The following RTN1 variants were observed in gnomAD, a reference collection of about 807,000 sequenced individuals.
RTN1 encodes reticulon 1.
In RTN1, 25 loss-of-function variants were observed where a neutral mutation model predicts 65.5. The observed-to-expected ratio is 0.38, with a 90% CI of 0.28 to 0.53. The LOEUF (loss-of-function observed/expected upper bound fraction) is 0.53, where lower values mean the gene tolerates loss of function less well. Ranked by LOEUF, RTN1 falls within the 20% of genes least tolerant of loss-of-function variation. The pLI is 0.79. For synonymous variants in RTN1, 471 were observed against 447.6 expected (o/e 1.05, Z -0.66); for missense variants, 983 against 1,025.4 (o/e 0.96, Z 0.57).
chr14:59,675,445 G>GGT (rs992201582), intron 3 of RTN1, among the ~76,000 whole-genome samples: 1 of 17,766 alleles, frequency 5.6e-5, no homozygotes, highest in Non-Finnish European at 2.8e-4. Context: ...TATAGGACTT[G>GGT]GGGGGGGGGC....
intron 1 of RTN1, among the ~76,000 whole-genome samples, chr14:59,795,354 C>G (rs1260555922): frequency 6.6e-6 from 1 of 152,014 alleles, no homozygotes; most frequent in African/African-American, 2.4e-5. Flanking sequence ...ATGTTAAATA[C>G]TAATGTGGGC....
chr14:59,658,034 C>T (rs901032376), intron 3 of RTN1, among the ~76,000 whole-genome samples: 1 of 152,200 alleles, frequency 6.6e-6, no homozygotes, highest in Non-Finnish European at 1.5e-5. Flanking sequence ...CTGAAGTCGA[C>T]CTGGGACGCT....
intron 3 of RTN1, among the ~76,000 whole-genome samples, chr14:59,634,732 A>G (rs1020432772): frequency 2.6e-5 from 4 of 152,228 alleles, no homozygotes; most frequent in South Asian, 2.1e-4. Context: ...TATGAGCAGG[A>G]AAGAGTGGGT....
At chr14:59,696,355 A>G (rs1884062544) in intron 3 of RTN1, among the ~76,000 whole-genome samples, 1 of 152,212 alleles carries the variant, frequency 6.6e-6, no homozygotes, top group Non-Finnish European at 1.5e-5. Flanking sequence ...CAAGTCACTC[A>G]TCATCCTCAG....
rs1885857782 is a variant in RTN1, at chr14:59,766,738, A to G, written c.242-20257T>C. Among the ~76,000 whole-genome samples, 1 of 152,150 alleles carries G rather than the reference A, an allele frequency of 6.6e-6. No individual in the cohort carries two copies. Among genetic ancestry groups the G allele is most frequent in the South Asian group, 2.1e-4 (1 of 4,822 alleles). ...AAGGAAAGAGTGTTGAATACCTGCT[A>G]TGTGCCAGTCACCATGCTCGGTGCT... On this transcript the variant is annotated intron_variant, in intron 1 of 8. Coordinates refer to ENST00000267484, the MANE Select transcript of RTN1 (RefSeq NM_021136.3). The surrounding 1 kb of genome is among the most constrained non-coding windows in gnomAD (Gnocchi z 4.4).
At chr14:59,603,634 GA>G (rs958629622) in intron 6 of RTN1, 5 of 336,406 alleles carry the variant, frequency 1.5e-5, no homozygotes, top group South Asian at 8.0e-5. Context: ...TATGTTTGAA[GA>G]AAAAAAACCC....
At chr14:59,656,157 G>A (rs1421834891) in intron 3 of RTN1, among the ~76,000 whole-genome samples, 2 of 152,114 alleles carry the variant, frequency 1.3e-5, no homozygotes, top group Non-Finnish European at 2.9e-5. Context: ...CCACTTATAT[G>A]AAATGTCAAG....
At chr14:59,642,207 A>G (rs1238755066) in intron 3 of RTN1, among the ~76,000 whole-genome samples, 1 of 152,146 alleles carries the variant, frequency 6.6e-6, no homozygotes, top group African/African-American at 2.4e-5. Flanking sequence ...AAGGTCAGTA[A>G]TTAGTCTTTT....
intron 3 of RTN1, among the ~76,000 whole-genome samples, chr14:59,632,940 CAA>C (rs796788061): frequency 1.3e-5 from 2 of 150,484 alleles, no homozygotes; most frequent in African/African-American, 2.4e-5. Context: ...AAAAAAAATA[CAA>C]AAAAAAAATT....
chr14:59,727,075 G>A lies in RTN1; in HGVS notation c.1609C>T (p.Pro537Ser), dbSNP rs1458328556. Residue 537 changes from proline to serine, a missense_variant, in exon 3 of 9, where the codon CCC (proline) becomes TCC (serine). This residue lies in a region of RTN1 where 818 missense variants were observed against 801.8 expected (regional missense o/e 1.02). Transcript: ENST00000267484. This position sits in a 1 kb window ranked among gnomAD's most constrained non-coding sequence, Gnocchi z 4.2. ...GGCTCCAGGGCTCCGTCTCCAGGGG[G>A]CAGCTCGGGGCCAGGCTGGGGCTCA... ...STEPQPGPELPPGDGALEPET... is the reference protein window; with the variant it reads ...STEPQPGPELSPGDGALEPET... The A allele has an allele frequency of 6.2e-7, 1 of 1,612,344 alleles. No homozygotes were observed. Among genetic ancestry groups the A allele is most frequent in the South Asian group, 1.1e-5 (1 of 90,716 alleles).
chr14:59,863,566 T>C (rs1044437810), intron 1 of RTN1, among the ~76,000 whole-genome samples: 7 of 152,188 alleles, frequency 4.6e-5, no homozygotes, highest in African/African-American at 1.4e-4. Context: ...GACCTCTGTA[T>C]ATTTGAGTGA....
rs551321156 is a variant in RTN1 at position 59,708,621 on chromosome 14, A to C, written c.1765+18298T>G. Reference sequence around the variant, plus strand: ...CTACCCAGTTGAGAAGACACTCCCAAGGTTTGTAAGCCATGCAAAGAAATG... The same window carrying C: ...CTACCCAGTTGAGAAGACACTCCCACGGTTTGTAAGCCATGCAAAGAAATG... On this transcript the variant is annotated intron_variant, in intron 3 of 8. Coordinates refer to ENST00000267484, the MANE Select transcript of RTN1 (RefSeq NM_021136.3). Among the ~76,000 whole-genome samples the C allele has an allele frequency of 1.7e-3, 263 of 152,338 alleles. 2 individuals are homozygous for C. The highest frequency in any genetic ancestry group is 3.4e-3 in the Middle Eastern group (1 of 294).
At chr14:59,822,723 A>C (rs544813021) in intron 1 of RTN1, among the ~76,000 whole-genome samples, 1 of 152,106 alleles carries the variant, frequency 6.6e-6, no homozygotes, top group South Asian at 2.1e-4. Flanking sequence ...CTTTGTTTTC[A>C]TTAGTTTTTT....
chr14:59,819,460 C>T, intron 1 of RTN1, among the ~76,000 whole-genome samples: 1 of 121,676 alleles, frequency 8.2e-6, no homozygotes, highest in Non-Finnish European at 1.7e-5. Flanking sequence ...CAGCTAGACA[C>T]AGAGTACAAT....
intron 1 of RTN1, among the ~76,000 whole-genome samples, chr14:59,761,755 C>G (rs528513849): frequency 6.6e-6 from 1 of 152,144 alleles, no homozygotes; most frequent in African/African-American, 2.4e-5. Context: ...GTACAGCCAG[C>G]CCATACCATG....
chr14:59,869,293 C>G (rs1887848415), intron 1 of RTN1, among the ~76,000 whole-genome samples: 1 of 151,930 alleles, frequency 6.6e-6, no homozygotes, highest in Non-Finnish European at 1.5e-5. Context: ...CTCCCCTTCC[C>G]CTCCTCTGGG....
At chr14:59,693,332 C>T (rs1883998964) in intron 3 of RTN1, among the ~76,000 whole-genome samples, 1 of 152,120 alleles carries the variant, frequency 6.6e-6, no homozygotes, top group South Asian at 2.1e-4. Flanking sequence ...TAATAAGCCT[C>T]CTGGTTTTTA....
chr14:59,844,350 T>C (rs967693983), intron 1 of RTN1, among the ~76,000 whole-genome samples: 3 of 152,146 alleles, frequency 2.0e-5, no homozygotes, highest in African/African-American at 7.2e-5. Flanking sequence ...AAAGGATGAG[T>C]TCAGCTAATT....
chr14:59,632,916 GA>G (rs1171365199), intron 3 of RTN1, among the ~76,000 whole-genome samples: 1 of 151,942 alleles, frequency 6.6e-6, no homozygotes, highest in Non-Finnish European at 1.5e-5. Context: ...GCAACATGGT[GA>G]AACCCCATCT....
Sources: gnomAD v4.1 joint callset for allele counts (sites outside exome capture counted in the v4.1 genomes callset) on GRCh38, gnomAD v4.1.1 for gene constraint, gnomAD v4.1.1 regional missense constraint, Gnocchi (gnomAD v3.1) non-coding constraint, MANE v1.5 for transcripts, NCBI Gene and HGNC (gene_info 2026-07-23, HGNC 2026-07-21) for gene names.